The following GPM6B variants were observed in gnomAD, a reference collection of about 807,000 sequenced individuals.
GPM6B encodes the protein glycoprotein M6B, also known as neuronal membrane glycoprotein M6-b.
A neutral mutation model predicts 27.2 loss-of-function variants in GPM6B; 4 were observed. The ratio of observed to expected loss-of-function variants is 0.15; its 90% confidence interval spans 0.07 to 0.34. The LOEUF (loss-of-function observed/expected upper bound fraction) is 0.34, where lower values mean the gene tolerates loss of function less well. GPM6B is among the 10% of genes least tolerant of loss of function. The probability of loss-of-function intolerance (pLI) is 1.00; values close to 1 mark genes in which losing one functional copy is unlikely to be tolerated. For synonymous variants in GPM6B, 124 were observed against 103.1 expected (o/e 1.20, Z -1.23); for missense variants, 183 against 261.9 (o/e 0.70, Z 2.08).
chrX:13,842,185 T>C (rs1012375561), intron 1 of GPM6B, among the ~76,000 whole-genome samples: 1 of 112,428 alleles, frequency 8.9e-6, no homozygotes, highest in Non-Finnish European at 1.9e-5. Flanking sequence ...TTTAGAAAAT[T>C]GTCATTGCAT....
At chrX:13,797,621 G>T (rs914823819) in intron 2 of GPM6B, among the ~76,000 whole-genome samples, 13 of 111,251 alleles carry the variant, frequency 1.2e-4, no homozygotes, top group Middle Eastern at 4.6e-3. Context: ...TGCAGCAAGG[G>T]GAAGAGAGGG....
At chrX:13,813,057 C>G (rs2049168212) in intron 1 of GPM6B, 1 of 111,645 alleles carries the variant, frequency 9.0e-6, no homozygotes, top group African/African-American at 3.3e-5. Flanking sequence ...CAGATAATAA[C>G]TGCATCTAAA....
intron 1 of GPM6B, among the ~76,000 whole-genome samples, chrX:13,857,389 G>A (rs1013429998): frequency 4.5e-5 from 5 of 111,952 alleles, no homozygotes; most frequent in East Asian, 2.8e-4. Flanking sequence ...ATATAAAGAA[G>A]CCAAAAGTAC....
At chrX:13,892,400 C>G (rs2050196598) in intron 1 of GPM6B, among the ~76,000 whole-genome samples, 1 of 111,296 alleles carries the variant, frequency 9.0e-6, no homozygotes, top group Admixed American at 9.5e-5. Context: ...CGGGTTTTGC[C>G]ATTACTTTTA....
At chrX:13,896,729 A>T (rs1393937646) in intron 1 of GPM6B, among the ~76,000 whole-genome samples, 1 of 110,516 alleles carries the variant, frequency 9.0e-6, no homozygotes, top group African/African-American at 3.3e-5. Context: ...CACCACACCC[A>T]GCTAATTTTT....
chrX:13,929,759 GC>G (rs994625916), intron 1 of GPM6B, among the ~76,000 whole-genome samples: 1 of 111,351 alleles, frequency 9.0e-6, no homozygotes, highest in African/African-American at 3.3e-5. Context: ...TCTATAATGC[GC>G]AGGACAGCCC....
intron 1 of GPM6B, among the ~76,000 whole-genome samples, chrX:13,809,395 G>C (rs747872295): frequency 4.5e-5 from 5 of 111,995 alleles, no homozygotes; most frequent in African/African-American, 1.6e-4. Context: ...GTGCTTCTGT[G>C]TCTCCTAAAG....
chrX:13,839,215 G>C, intron 1 of GPM6B, among the ~76,000 whole-genome samples: 1 of 111,597 alleles, frequency 9.0e-6, no homozygotes. Flanking sequence ...TCAAGGCAGA[G>C]CTTAACCGTT....
intron 1 of GPM6B, among the ~76,000 whole-genome samples, chrX:13,852,859 G>C (rs1344146388): frequency 1.9e-5 from 2 of 104,829 alleles, no homozygotes; most frequent in Non-Finnish European, 3.9e-5. Flanking sequence ...CTGCAGCCTT[G>C]ACCTTCAAAC....
intron 1 of GPM6B, among the ~76,000 whole-genome samples, chrX:13,833,862 A>G (rs2049468396): frequency 8.9e-6 from 1 of 112,928 alleles, no homozygotes; most frequent in Non-Finnish European, 1.9e-5. Context: ...CTTTCAATTC[A>G]GAGAGGAAGG....
intron 1 of GPM6B, among the ~76,000 whole-genome samples, chrX:13,928,021 T>C (rs1281154318): frequency 8.9e-6 from 1 of 112,162 alleles, no homozygotes; most frequent in African/African-American, 3.2e-5. Flanking sequence ...TTAACCATAA[T>C]GATTTAGAAG....
In GPM6B at chrX:13,777,473, A is replaced by G. The variant is rs190512264; in HGVS notation, c.698-48T>C. On this transcript the variant is annotated intron_variant, in intron 5 of 7. Transcript: ENST00000316715. ...ATGTTAGTACAAACTATAGCGCCTC[A>G]TGTTCTTAACAGACCCCACCACTTC... 133 of 892,125 alleles carry G rather than the reference A, an allele frequency of 1.5e-4. No homozygotes were observed. In the African/African-American group the frequency reaches 2.1e-3, roughly 14 times the overall value. 73.5% of individuals were successfully genotyped at this position (892,125 alleles called of 1,213,427 possible).
Position 13,781,053 on chromosome X carries a change from A to C in GPM6B, c.526-1064T>G, listed in dbSNP as rs780476806. The C allele has an allele frequency of 4.4e-5, 11 of 250,553 alleles. 1 individual carries two copies. The East Asian group carries it at 6.3e-4, about 14-fold the overall frequency. 20.6% of individuals were successfully genotyped at this position (250,553 alleles called of 1,213,427 possible). A position where few individuals can be genotyped will look rare whatever the true frequency, so the allele number is the denominator to read the frequency against. On this transcript the variant is annotated intron_variant, in intron 4 of 7. Transcript: ENST00000316715. ...GCAGATTTCAGCAGTTCCACCTCCC[A>C]CTTCCTCCCACTGCTGCTCCAGACT...
At chrX:13,852,374 G>A (rs1323643685) in intron 1 of GPM6B, among the ~76,000 whole-genome samples, 1 of 110,949 alleles carries the variant, frequency 9.0e-6, no homozygotes, top group Non-Finnish European at 1.9e-5. Flanking sequence ...CCTCCTCTCA[G>A]CTCTTTTCAT....
chrX:13,936,933 T>C (rs1156567652), intron 1 of GPM6B, among the ~76,000 whole-genome samples: 1 of 112,546 alleles, frequency 8.9e-6, no homozygotes, highest in East Asian at 2.8e-4. Flanking sequence ...TAAATTAAAA[T>C]AACGATTTCA....
intron 1 of GPM6B, among the ~76,000 whole-genome samples, chrX:13,857,327 T>C (rs2049792816): frequency 8.9e-6 from 1 of 112,178 alleles, no homozygotes; most frequent in South Asian, 3.7e-4. Flanking sequence ...AGTGAGGCAA[T>C]AATTACTAGC....
chrX:13,877,824 C>CAAAAAAAAAAAAAAAAAAAAAAAAAA (rs761891419), intron 1 of GPM6B, among the ~76,000 whole-genome samples: 3 of 27,466 alleles, frequency 1.1e-4, no homozygotes, highest in Non-Finnish European at 1.1e-4. Context: ...CAGACTCTGC[C>CAAAAAAAAAAAAAAAAAAAAAAAAAA]AAAAAAAAAA....
At chrX:13,881,564 T>A (rs1290888572) in intron 1 of GPM6B, among the ~76,000 whole-genome samples, 7 of 86,793 alleles carry the variant, frequency 8.1e-5, no homozygotes, top group Non-Finnish European at 6.7e-5. Context: ...ACGATGATGA[T>A]GATTTAATAG....
At chrX:13,774,223 A>G in intron 7 of GPM6B, 1 of 771,414 alleles carries the variant, frequency 1.3e-6, no homozygotes, top group Non-Finnish European at 1.5e-6. Context: ...AGAAAATGTA[A>G]GTATTCCAAA....
Sources: allele counts gnomAD v4.1 joint callset (sites outside exome capture counted in the v4.1 genomes callset), GRCh38; gene constraint gnomAD v4.1.1; transcripts MANE v1.5; gene names NCBI Gene and HGNC (gene_info 2026-07-23, HGNC 2026-07-21).